NARS1: variants seen among roughly 807,000 people sequenced by gnomAD.
NARS1 encodes the protein asparaginyl-tRNA synthetase 1, also known as asparagine--tRNA ligase, cytoplasmic.
A neutral mutation model predicts 79.2 loss-of-function variants in NARS1; 65 were observed. The ratio of observed to expected loss-of-function variants is 0.82; its 90% CI spans 0.67 to 1.01. NARS1 has a LOEUF of 1.01. NARS1 is among the 50% of genes least tolerant of loss of function. The probability of loss-of-function intolerance (pLI) is 0.00; values close to 1 mark genes in which losing one functional copy is unlikely to be tolerated. For missense variants in NARS1, 649 were observed against 673.8 expected (o/e 0.96, Z 0.41); for synonymous variants, 229 against 238.8 (o/e 0.96, Z 0.38).
Position 57,601,762 on chromosome 18 carries a change from G to C in NARS1, c.1537C>G (p.His513Asp). The change falls in exon 14 of 14, where the codon CAT becomes GAT. Residue 513 changes from histidine (H) to aspartate (D), a missense_variant. By Grantham distance (81) the His-to-Asp change is moderately conservative. Transcript: ENST00000256854. ...TCCAAGCCCAAGCCATATCCTCCAT[G>C]GGGACATGTACCGTATTTTCTCTGT... ...TDQRKYGTCPHGGYGLGLERF... is the reference protein window; with the variant it reads ...TDQRKYGTCPDGGYGLGLERF... The C allele has an allele frequency of 5.0e-6, 8 of 1,613,368 alleles. No individual in the cohort carries two copies. The highest frequency in any genetic ancestry group is 6.8e-6 in the Non-Finnish European group (8 of 1,179,380).
In NARS1 at chr18:57,601,985, G is replaced by T. The variant is rs143544259; in HGVS notation, c.1516-202C>A. 1.9e-3 allele frequency among the ~76,000 whole-genome samples: 286 copies of T among 152,126 alleles called. 1 individual carries two copies. The highest frequency in any genetic ancestry group is 6.6e-3 in the African/African-American group (272 of 41,486). ...GAACCATGCATAAAGAAATAATTTG[G>T]TATGAAAAAATCAACCAGGGAATAA... is the stretch of plus-strand genomic sequence containing the variant. On this transcript the variant is annotated intron_variant, in intron 13 of 13. Coordinates refer to ENST00000256854, the MANE Select transcript of NARS1 (RefSeq NM_004539.4).
intron 1 of NARS1, 140 bp downstream of exon 1, chr18:57,621,567 TC>T: frequency 3.7e-6 from 1 of 273,450 alleles, no homozygotes; most frequent in Non-Finnish European, 7.4e-6. Flanking sequence ...GCACCCTCCC[TC>T]CCTCCCTCCC....
intron 4 of NARS1, among the ~76,000 whole-genome samples, chr18:57,614,640 T>C (rs954711144): frequency 2.0e-5 from 3 of 152,220 alleles, no homozygotes; most frequent in Admixed American, 6.5e-5. Context: ...ACTTTTACTC[T>C]ATTTAAATAA....
intron 6 of NARS1, among the ~76,000 whole-genome samples, chr18:57,610,365 G>A (rs898491350): frequency 2.6e-5 from 4 of 152,122 alleles, no homozygotes; most frequent in Admixed American, 6.6e-5. Flanking sequence ...CCAGCTACTC[G>A]GGAGGCTGAA....
chr18:57,617,194 G>A (rs1599040115), intron 2 of NARS1, among the ~76,000 whole-genome samples: 1 of 152,240 alleles, frequency 6.6e-6, no homozygotes, highest in South Asian at 2.1e-4. Context: ...AATCAAACAA[G>A]AAATGCAGTG....
intron 2 of NARS1, among the ~76,000 whole-genome samples, chr18:57,618,498 C>T (rs905560302): frequency 2.6e-5 from 4 of 152,174 alleles, no homozygotes; most frequent in African/African-American, 4.8e-5. Flanking sequence ...CTGTTGTTAA[C>T]AGTGACATTC....
rs766855307 is a variant in NARS1, at chr18:57,615,731, C to A, written c.253-1G>T. The A allele has an allele frequency of 1.2e-6, 2 of 1,611,242 alleles. No individual in the cohort carries two copies. Among genetic ancestry groups the A allele is most frequent in the Admixed American group, 1.7e-5 (1 of 59,554 alleles). On this transcript the variant is annotated splice_acceptor_variant, in intron 3 of 13. Transcript: ENST00000256854. LOFTEE classifies it high-confidence loss of function. ...TTTCTCTTCGTAAACTATCTTCTGCCTAATTTTAATGATGAAGCAGTTTGT... is the reference window on the plus strand; with the variant it reads ...TTTCTCTTCGTAAACTATCTTCTGCATAATTTTAATGATGAAGCAGTTTGT...
In NARS1 at chr18:57,611,683, A is replaced by AAC; in HGVS notation, c.444_445dup (p.Leu149CysfsTer38). ...CTGAAGATAACCTGTACCATCTCGC[A>AAC]ACACCAGAAACATTAAATTCTTTCC... On this transcript the variant is annotated frameshift_variant, in exon 6 of 14. Transcript: ENST00000256854. LOFTEE classifies it high-confidence loss of function. The AAC allele has an allele frequency of 6.3e-7, 1 of 1,593,648 alleles. No individual in the cohort carries two copies. Among genetic ancestry groups the AAC allele is most frequent in the Non-Finnish European group, 8.5e-7 (1 of 1,170,480 alleles).
At chr18:57,605,134 A>AAAAAAAAT (rs536569272) in intron 11 of NARS1, among the ~76,000 whole-genome samples, 3 of 135,234 alleles carry the variant, frequency 2.2e-5, no homozygotes, top group African/African-American at 8.6e-5. Context: ...AAAAAAAAAA[A>AAAAAAAAT]ATATATATAT....
intron 6 of NARS1, among the ~76,000 whole-genome samples, chr18:57,611,169 G>A (rs767540706): frequency 1.3e-5 from 2 of 151,892 alleles, no homozygotes; most frequent in Non-Finnish European, 2.9e-5. Flanking sequence ...ATTTCACCAT[G>A]TTGCCAGGCT....
At chr18:57,603,898 C>T (rs1054544972) in intron 11 of NARS1, among the ~76,000 whole-genome samples, 8 of 140,812 alleles carry the variant, frequency 5.7e-5, no homozygotes, top group African/African-American at 1.8e-4. Flanking sequence ...TCATACCCCC[C>T]AAAGCCTGAG....
At chr18:57,606,025 C>T in intron 10 of NARS1, 55 bp from the exon 11 acceptor site, 1 of 1,139,038 alleles carries the variant, frequency 8.8e-7, no homozygotes, top group South Asian at 1.4e-5. Context: ...TAAACATTAA[C>T]ACTAAAATTT....
chr18:57,618,661 G>A (rs914354594), intron 2 of NARS1, among the ~76,000 whole-genome samples: 2 of 152,092 alleles, frequency 1.3e-5, no homozygotes, highest in African/African-American at 4.8e-5. Context: ...CAGCACTTTG[G>A]GAGGCCAAGG....
chr18:57,615,664 G>T lies in NARS1; in HGVS notation c.319C>A (p.Pro107Thr). The T allele has an allele frequency of 6.2e-7, 1 of 1,612,526 alleles. No individual in the cohort carries two copies. Among genetic ancestry groups the T allele is most frequent in the East Asian group, 2.2e-5 (1 of 44,870 alleles). ...ACACATTTTGGCTCTGGGAGACTTG[G>T]ATCATTTTTAATGGTAATCTTCTTT... is the stretch of plus-strand genomic sequence containing the variant. ...EAKKITIKND[P>T]SLPEPKCVKI... Residue 107 changes from proline (P) to threonine (T), a missense_variant, in exon 4 of 14, where the codon CCA becomes ACA. Pro to Thr is a conservative substitution (Grantham distance 38, BLOSUM62 -1). Coordinates refer to ENST00000256854, the MANE Select transcript of NARS1 (RefSeq NM_004539.4).
intron 7 of NARS1, among the ~76,000 whole-genome samples, chr18:57,608,100 T>C (rs565010596): frequency 1.3e-5 from 2 of 149,514 alleles, no homozygotes; most frequent in African/African-American, 4.9e-5. Context: ...TCTCCTGACC[T>C]CGTGATCCGC....
At chr18:57,607,741 T>G in intron 7 of NARS1, 76 bp from the exon 8 acceptor site, 9 of 1,265,190 alleles carry the variant, frequency 7.1e-6, no homozygotes, top group Non-Finnish European at 9.7e-6. Context: ...GGATTTTAAT[T>G]TATGTCAAAG....
chr18:57,601,602 AAG>A lies in NARS1; in HGVS notation c.*48_*49del. The A allele has an allele frequency of 6.6e-7, 1 of 1,517,774 alleles. No individual in the cohort carries two copies. Among genetic ancestry groups the A allele is most frequent in the Non-Finnish European group, 8.9e-7 (1 of 1,124,736 alleles). 94.0% of individuals were successfully genotyped at this position (1,517,774 alleles called of 1,614,324 possible). A position where few individuals can be genotyped will look rare whatever the true frequency, so the allele number is the denominator to read the frequency against. On this transcript the variant is annotated 3_prime_UTR_variant, in exon 14 of 14. Coordinates refer to ENST00000256854, the MANE Select transcript of NARS1 (RefSeq NM_004539.4). ...TTCTGGCTTTTTGTTTTCTTTTTTA[AAG>A]AGCCTGTTCCTTTCATAATCTTTCC...
At chr18:57,603,059 A>T in intron 11 of NARS1, 116 bp from the exon 12 acceptor site, 1 of 906,702 alleles carries the variant, frequency 1.1e-6, no homozygotes, top group Non-Finnish European at 1.7e-6. Context: ...TAGAGGATAC[A>T]CACCTACCCT....
chr18:57,605,810 T>G lies in NARS1; in HGVS notation c.1251+47A>C, dbSNP rs140382086. 484 of 1,278,738 alleles carry G rather than the reference T, an allele frequency of 3.8e-4. 6 individuals carry two copies. In the East Asian group the frequency reaches 8.3e-3, roughly 22 times the overall value. 79.2% of individuals were successfully genotyped at this position (1,278,738 alleles called of 1,614,324 possible). A position where few individuals can be genotyped will look rare whatever the true frequency, so the allele number is the denominator to read the frequency against. On this transcript the variant is annotated intron_variant, in intron 11 of 13. Coordinates refer to ENST00000256854, the MANE Select transcript of NARS1 (RefSeq NM_004539.4). The stretch of plus-strand genomic sequence containing the variant: ...AGTTCATTAACCAGAAGAAGAGAAT[T>G]GGAGCCCAATCCCACCTTGGAAACA...
Sources: gnomAD v4.1 joint callset for allele counts (sites outside exome capture counted in the v4.1 genomes callset) on GRCh38, gnomAD v4.1.1 for gene constraint, MANE v1.5 for transcripts, NCBI Gene and HGNC (gene_info 2026-07-23, HGNC 2026-07-21) for gene names.